The following GNGT1 variants were observed in gnomAD, a reference collection of about 807,000 sequenced individuals.
GNGT1 encodes the protein G protein subunit gamma transducin 1, also known as guanine nucleotide-binding protein G(T) subunit gamma-T1.
In GNGT1, 4 loss-of-function variants were observed where a neutral mutation model predicts 7.4. The observed-to-expected ratio is 0.54, with a 90% confidence interval of 0.27 to 1.24. The LOEUF is 1.24. GNGT1 is among the 50% of genes most tolerant of loss of function. GNGT1 has a pLI of 0.12. For synonymous variants in GNGT1, 37 were observed against 30.2 expected, an observed-to-expected ratio of 1.23 and a Z score of -0.74; for missense variants, 95 against 82.4, an observed-to-expected ratio of 1.15 and a Z score of -0.59.
chr7:93,907,381 T>C (rs1794392496), intron 2 of GNGT1, among the ~76,000 whole-genome samples: 1 of 152,180 alleles, frequency 6.6e-6, no homozygotes, highest in African/African-American at 2.4e-5. Flanking sequence ...GCTGCAATAC[T>C]TTAAGCTATG....
At chr7:93,910,603 A>C (rs1206147130) in intron 2 of GNGT1, 187 bp from the exon 3 acceptor site, 1 of 301,894 alleles carries the variant, frequency 3.3e-6, no homozygotes, top group African/African-American at 2.2e-5. Flanking sequence ...GTCTGGAGAT[A>C]TATCCAGAAG....
At chr7:93,909,648 C>T (rs1015818611) in intron 2 of GNGT1, 2 of 539,364 alleles carry the variant, frequency 3.7e-6, no homozygotes, top group Non-Finnish European at 6.7e-6. Flanking sequence ...TAAATTAATG[C>T]ATATTTCAAA....
At position 93,906,829 on chromosome 7, in the gene GNGT1, TG is replaced by T. The variant is rs1419325848; in HGVS notation, c.85del (p.Glu29LysfsTer4). 6.3e-7 allele frequency: 1 copy of T among 1,583,474 alleles called. No homozygotes were observed. The highest frequency in any genetic ancestry group is 2.3e-5 in the East Asian group (1 of 43,922). On this transcript the variant is annotated frameshift_variant, in exon 2 of 3. Coordinates refer to ENST00000248572, the MANE Select transcript of GNGT1 (RefSeq NM_021955.5). LOFTEE classifies it high-confidence loss of function. ...GACCAGCTCAAGAAAGAAGTGACAC[TG>T]GAAAGAATGCTAGTAAGTTGCTGCT... ...EVDQLKKEVT[L>X]ERMLVSKCCE... is the part of the protein sequence containing the mutation.
chr7:93,906,574 T>C lies in GNGT1; in HGVS notation c.-82T>C, dbSNP rs1487313975. 8.6e-6 allele frequency: 5 copies of C among 578,202 alleles called. No individual in the cohort carries two copies. The highest frequency in any genetic ancestry group is 1.5e-5 in the Non-Finnish European group (5 of 328,846). The allele number at this position is 578,202 out of a possible 1,614,324, so 35.8% of individuals were successfully genotyped here. ...AGGCTAGTGTGCATTGCTAGAATTG[T>C]TAAGAGAGAGAGCTCATATGAAATT... is the stretch of plus-strand genomic sequence containing the variant. On this transcript the variant is annotated 5_prime_UTR_variant, in exon 1 of 3. Transcript: ENST00000248572.
At position 93,906,845 on chromosome 7, in the gene GNGT1, A is replaced by G; in HGVS notation, c.96+3A>G. 6.5e-7 allele frequency: 1 copy of G among 1,535,108 alleles called. No homozygotes were observed. The highest frequency in any genetic ancestry group is 8.9e-7 in the Non-Finnish European group (1 of 1,119,796). On this transcript the variant is annotated splice_donor_region_variant and intron_variant, in intron 2 of 2. Coordinates refer to ENST00000248572, the MANE Select transcript of GNGT1 (RefSeq NM_021955.5). ...AAGTGACACTGGAAAGAATGCTAGT[A>G]AGTTGCTGCTTTCTTTAGTATTTTA...
chr7:93,909,013 G>A lies in GNGT1; in HGVS notation c.97-1777G>A, dbSNP rs530245394. Among the ~76,000 whole-genome samples, 5 of 152,286 alleles carry A rather than the reference G, an allele frequency of 3.3e-5. No homozygotes were observed. The South Asian group carries it at 1.0e-3, about 32-fold the overall frequency. On this transcript the variant is annotated intron_variant, in intron 2 of 2. Transcript: ENST00000248572. ...GCTCTGAGAACAATGCCTGGTAATA[G>A]CAAGTGCTTTATGTCATTATATTAT...
chr7:93,908,129 A>G (rs1440480135), intron 2 of GNGT1, among the ~76,000 whole-genome samples: 2 of 152,166 alleles, frequency 1.3e-5, no homozygotes, highest in Admixed American at 6.6e-5. Flanking sequence ...AACATCGCAT[A>G]CATCATCATT....
Position 93,911,201 on chromosome 7 carries a change from G to C in GNGT1, c.*283G>C, listed in dbSNP as rs1234129471. 5.8e-6 allele frequency: 1 copy of C among 171,108 alleles called. No individual in the cohort carries two copies. The highest frequency in any genetic ancestry group is 1.2e-5 in the Non-Finnish European group (1 of 80,772). The allele number at this position is 171,108 out of a possible 1,614,324, so 10.6% of individuals were successfully genotyped here. ...AAATGATTCTATATTATTCTGAGTT[G>C]TCAGCATATATTTACTGTTTTATGT... On this transcript the variant is annotated 3_prime_UTR_variant, in exon 3 of 3. Coordinates refer to ENST00000248572, the MANE Select transcript of GNGT1 (RefSeq NM_021955.5).
At chr7:93,909,826 G>A (rs188343346) in intron 2 of GNGT1, 276 of 208,796 alleles carry the variant, frequency 1.3e-3, no homozygotes, top group Non-Finnish European at 1.9e-3. Flanking sequence ...TTACATAAAA[G>A]CGGACTAAAG....
intron 2 of GNGT1, chr7:93,909,976 A>G (rs1384240679): frequency 1.3e-5 from 2 of 154,560 alleles, no homozygotes; most frequent in Non-Finnish European, 2.9e-5. Context: ...GTTGAAGCTA[A>G]AAGAGTTTGA....
rs1047732307 is a variant in GNGT1 at position 93,906,576 on chromosome 7, AAGAG to A, written c.-73_-70del. ...GCTAGTGTGCATTGCTAGAATTGTT[AAGAG>A]AGAGAGCTCATATGAAATTGGTTAT... On this transcript the variant is annotated 5_prime_UTR_variant, in exon 1 of 3. Coordinates refer to ENST00000248572, the MANE Select transcript of GNGT1 (RefSeq NM_021955.5). 1 of 579,302 alleles carries A rather than the reference AAGAG, an allele frequency of 1.7e-6. No individual in the cohort carries two copies. Among genetic ancestry groups the A allele is most frequent in the African/African-American group, 2.0e-5 (1 of 50,610 alleles). The allele number at this position is 579,302 out of a possible 1,614,324, so 35.9% of individuals were successfully genotyped here. A position where few individuals can be genotyped will look rare whatever the true frequency, so the allele number is the denominator to read the frequency against.
intron 2 of GNGT1, 77 bp downstream of exon 2, chr7:93,906,919 G>A: frequency 1.3e-5 from 10 of 752,602 alleles, no homozygotes; most frequent in South Asian, 3.8e-5. Context: ...AACATTGGCT[G>A]GAAAGGCTCA....
At chr7:93,908,434 C>A (rs1194362556) in intron 2 of GNGT1, among the ~76,000 whole-genome samples, 2 of 151,644 alleles carry the variant, frequency 1.3e-5, no homozygotes, top group Non-Finnish European at 2.9e-5. Flanking sequence ...CTGCTCCCTC[C>A]TTCATGAACA....
At chr7:93,909,136 G>A (rs1455199539) in intron 2 of GNGT1, among the ~76,000 whole-genome samples, 1 of 152,096 alleles carries the variant, frequency 6.6e-6, no homozygotes, top group Non-Finnish European at 1.5e-5. Flanking sequence ...AGTTTCTGAA[G>A]CTGATAGATT....
intron 2 of GNGT1, among the ~76,000 whole-genome samples, chr7:93,908,239 C>G (rs985016857): frequency 7.9e-5 from 12 of 152,138 alleles, no homozygotes; most frequent in African/African-American, 2.9e-4. Context: ...CATATACATA[C>G]ACACACAAAC....
chr7:93,907,494 C>T (rs1794394678), intron 2 of GNGT1, among the ~76,000 whole-genome samples: 1 of 152,150 alleles, frequency 6.6e-6, no homozygotes, highest in South Asian at 2.1e-4. Context: ...ACTGGTTCCT[C>T]CTACAAACTT....
chr7:93,907,018 C>T (rs536250573), intron 2 of GNGT1, among the ~76,000 whole-genome samples, 176 bp downstream of exon 2: 6,452 of 151,912 alleles, frequency 0.042, no homozygotes, highest in Middle Eastern at 0.082. Context: ...GATTTAGATT[C>T]TAAATCAAGG....
Position 93,911,089 on chromosome 7 carries a change from G to C in GNGT1, c.*171G>C, listed in dbSNP as rs537434585. 2.2e-3 allele frequency: 835 copies of C among 373,890 alleles called. 1 individual carries two copies. The highest frequency in any genetic ancestry group is 3.6e-3 in the Non-Finnish European group (755 of 208,052). 23.2% of individuals were successfully genotyped at this position (373,890 alleles called of 1,614,324 possible). A position where few individuals can be genotyped will look rare whatever the true frequency, so the allele number is the denominator to read the frequency against. On this transcript the variant is annotated 3_prime_UTR_variant, in exon 3 of 3. Transcript: ENST00000248572. ...GGGGTGTGGTAACCCATCATTCTAT[G>C]TTTTTCTTAACATAGCTGGCACAGG...
Position 93,911,010 on chromosome 7 carries a change from C to T in GNGT1, c.*92C>T. 1 of 812,852 alleles carries T rather than the reference C, an allele frequency of 1.2e-6. No individual in the cohort carries two copies. The highest frequency in any genetic ancestry group is 1.8e-6 in the Non-Finnish European group (1 of 556,148). 50.4% of individuals were successfully genotyped at this position (812,852 alleles called of 1,614,324 possible). On this transcript the variant is annotated 3_prime_UTR_variant, in exon 3 of 3. Transcript: ENST00000248572. Reference sequence around the variant, plus strand: ...ATTTTTCTCATGCATACTATTACTACTAAGCATGTACGTGAATTTTTAAAT... The same window carrying T: ...ATTTTTCTCATGCATACTATTACTATTAAGCATGTACGTGAATTTTTAAAT...
Sources: gnomAD v4.1 joint callset for allele counts (sites outside exome capture counted in the v4.1 genomes callset) on GRCh38, gnomAD v4.1.1 for gene constraint, MANE v1.5 for transcripts, NCBI Gene and HGNC (gene_info 2026-07-23, HGNC 2026-07-21) for gene names.